PVALEF: variants seen among roughly 807,000 people sequenced by gnomAD.
The protein encoded by PVALEF is parvalbumin-like EF-hand-containing protein.
Under a neutral mutation model 1.2 loss-of-function variants are expected in PVALEF, and 2 were observed. The ratio of observed to expected loss-of-function variants is 1.68; its 90% CI spans 0.69 to 5.28. The LOEUF (loss-of-function observed/expected upper bound fraction) is 5.28. Among genes scored for constraint, PVALEF ranks in the 30% most tolerant of loss-of-function variants. PVALEF has a pLI of 0.06. For missense variants in PVALEF, 35 were observed against 17.7 expected (o/e 1.97, Z -1.75); for synonymous variants, 16 against 6.5 (o/e 2.47, Z -2.24).
At chr17:81,182,150 G>A (rs2146452385) in intron 6 of PVALEF, 69 bp downstream of exon 6, 2 of 398,330 alleles carry the variant, frequency 5.0e-6, no homozygotes. Flanking sequence ...CCTTGCCCAT[G>A]GCCCCGCCCC....
rs1277628612 is a variant in PVALEF, at chr17:81,181,638, G to T, written c.186G>T (p.Thr62=). Residue 62 remains threonine, a synonymous_variant, in exon 5 of 7, where the codon ACG becomes ACT. Transcript: ENST00000637878. Reference sequence around the variant, plus strand: ...GCCAGCTGGACGACGCCATCCACACGGCCTTCCAGTCCCTGGACAAGGACA... The same window carrying T: ...GCCAGCTGGACGACGCCATCCACACTGCCTTCCAGTCCCTGGACAAGGACA... ...ASGQLDDAIH[T]AFQSLDKDKS... 2 of 414,874 alleles carry T rather than the reference G, an allele frequency of 4.8e-6. No homozygotes were observed. The highest frequency in any genetic ancestry group is 1.9e-4 in the South Asian group (2 of 10,258). 25.7% of individuals were successfully genotyped at this position (414,874 alleles called of 1,614,324 possible). A position where few individuals can be genotyped will look rare whatever the true frequency, so the allele number is the denominator to read the frequency against.
chr17:81,177,584 G>T (rs564024886), intron 2 of PVALEF, among the ~76,000 whole-genome samples: 11 of 151,972 alleles, frequency 7.2e-5, no homozygotes, highest in African/African-American at 2.4e-4. Context: ...GGCAAAGATG[G>T]TAAATTTATA....
At chr17:81,182,592 A>G (rs1412569333) in intron 6 of PVALEF, among the ~76,000 whole-genome samples, 1 of 152,138 alleles carries the variant, frequency 6.6e-6, no homozygotes, top group Non-Finnish European at 1.5e-5. Context: ...CTCAGAACTC[A>G]GGCCCCCCAG....
At chr17:81,182,227 G>A (rs1422122308) in intron 6 of PVALEF, 146 bp downstream of exon 6, 3 of 396,280 alleles carry the variant, frequency 7.6e-6, no homozygotes, top group African/African-American at 2.1e-5. Context: ...GGGAGTCTAG[G>A]TGCTCTTCCC....
rs961260027 is a variant in PVALEF, at chr17:81,183,047, A to G, written c.*36A>G. On this transcript the variant is annotated 3_prime_UTR_variant, in exon 7 of 7. Transcript: ENST00000637878. ...AGCCCTGGCCAGCCAAGGGGCTCCC[A>G]TGGGGTAACCGGGGTGACCACGCAC... 1.5e-5 allele frequency: 6 copies of G among 398,566 alleles called. No individual in the cohort carries two copies. The highest frequency in any genetic ancestry group is 2.7e-5 in the Non-Finnish European group (6 of 226,076). The allele number at this position is 398,566 out of a possible 1,614,324, so 24.7% of individuals were successfully genotyped here.
At chr17:81,171,611 C>T (rs1259850867) in intron 2 of PVALEF, among the ~76,000 whole-genome samples, 2 of 152,276 alleles carry the variant, frequency 1.3e-5, no homozygotes, top group Non-Finnish European at 2.9e-5. Context: ...CCTGCCTCAG[C>T]CTCCCAAGTA....
intron 3 of PVALEF, 125 bp from the exon 4 acceptor site, chr17:81,180,998 G>A (rs1435558425): frequency 5.2e-5 from 26 of 498,074 alleles, no homozygotes; most frequent in Admixed American, 7.5e-5. Flanking sequence ...AGGATGGCCC[G>A]GCCCCTCCCG....
intron 3 of PVALEF, among the ~76,000 whole-genome samples, chr17:81,179,463 G>A (rs1448504247): frequency 6.6e-6 from 1 of 152,226 alleles, no homozygotes; most frequent in East Asian, 1.9e-4. Context: ...AGAGGCGGCT[G>A]TGAGCTGGGG....
intron 2 of PVALEF, among the ~76,000 whole-genome samples, chr17:81,169,363 G>A (rs548165992): frequency 2.3e-5 from 3 of 130,114 alleles, no homozygotes; most frequent in African/African-American, 7.9e-5. Flanking sequence ...ACTTTGGGAG[G>A]CCAAGGGGGG....
rs549377186 is a variant in PVALEF at position 81,171,855 on chromosome 17, A to G, written c.-340+5011A>G. ...AAAATGAATCGGCTTGAAGTGAACA[A>G]TTCAGTAGCATTTGTATTCACAACA... On this transcript the variant is annotated intron_variant, in intron 2 of 6. Coordinates refer to ENST00000637878, the MANE Select transcript of PVALEF (RefSeq NM_001354639.2). 5.9e-5 allele frequency among the ~76,000 whole-genome samples: 9 copies of G among 152,264 alleles called. No homozygotes were observed. In the South Asian group the frequency reaches 1.7e-3, roughly 28 times the overall value.
At chr17:81,182,916 G>A (rs2061559707) in intron 6 of PVALEF, 49 bp from the exon 7 acceptor site, 1 of 398,440 alleles carries the variant, frequency 2.5e-6, no homozygotes, top group African/African-American at 2.1e-5. Context: ...TACAGGAACT[G>A]GGGGACACAA....
chr17:81,166,540 G>A (rs1193572864), intron 1 of PVALEF, 137 bp from the exon 2 acceptor site: 8 of 314,490 alleles, frequency 2.5e-5, no homozygotes, highest in South Asian at 1.7e-4. Flanking sequence ...ATGGTAAGTC[G>A]TGAGTGGGTA....
intron 2 of PVALEF, 56 bp from the exon 3 acceptor site, chr17:81,178,862 G>C (rs972582270): frequency 3.1e-5 from 7 of 222,756 alleles, no homozygotes; most frequent in Non-Finnish European, 5.7e-5. Context: ...AGCTGGCCTC[G>C]GTCACCTGCT....
At chr17:81,179,763 G>A (rs2061547329) in intron 3 of PVALEF, among the ~76,000 whole-genome samples, 1 of 152,234 alleles carries the variant, frequency 6.6e-6, no homozygotes, top group South Asian at 2.1e-4. Context: ...TTCCGAGAAT[G>A]GAAGGTCGGG....
chr17:81,168,942 A>G (rs1330238107), intron 2 of PVALEF, among the ~76,000 whole-genome samples: 2 of 152,264 alleles, frequency 1.3e-5, no homozygotes, highest in Non-Finnish European at 2.9e-5. Context: ...GTATTGGTCC[A>G]TACACAGGAC....
At chr17:81,166,566 G>A in intron 1 of PVALEF, 111 bp from the exon 2 acceptor site, 1 of 371,476 alleles carries the variant, frequency 2.7e-6, no homozygotes, top group South Asian at 1.9e-5. Context: ...GGAACGCCGG[G>A]GTGGGGGAGG....
rs149250851 is a variant in PVALEF at position 81,178,727 on chromosome 17, G to A, written c.-339-191G>A. On this transcript the variant is annotated intron_variant, in intron 2 of 6. Coordinates refer to ENST00000637878, the MANE Select transcript of PVALEF (RefSeq NM_001354639.2). ...TCAATCTCCCTGCACCACCCCCACC[G>A]CCCGCAGCCCCTCCCACTGTGTACA... 9.6e-3 allele frequency among the ~76,000 whole-genome samples: 1,460 copies of A among 152,162 alleles called. 10 individuals are homozygous for A. The highest frequency in any genetic ancestry group is 0.038 in the Middle Eastern group (11 of 292).
At chr17:81,170,186 CATGT>C (rs2061515510) in intron 2 of PVALEF, among the ~76,000 whole-genome samples, 1 of 149,036 alleles carries the variant, frequency 6.7e-6, no homozygotes, top group Admixed American at 6.7e-5. Flanking sequence ...GGTGTGTGTG[CATGT>C]GTCTTTGCAT....
At chr17:81,171,638 C>T (rs1341037298) in intron 2 of PVALEF, among the ~76,000 whole-genome samples, 2 of 152,054 alleles carry the variant, frequency 1.3e-5, no homozygotes, top group East Asian at 3.9e-4. Context: ...ACTACAGGCG[C>T]CCACCACCAC....
Sources: allele counts gnomAD v4.1 joint callset (sites outside exome capture counted in the v4.1 genomes callset), GRCh38; gene constraint gnomAD v4.1.1; transcripts MANE v1.5; gene names NCBI Gene and HGNC (gene_info 2026-07-23, HGNC 2026-07-21).